The following PIK3C2G variants were observed in gnomAD, a reference collection of about 807,000 sequenced individuals.
PIK3C2G encodes phosphatidylinositol 3-kinase C2 domain-containing subunit gamma.
Under a neutral mutation model 181.1 loss-of-function variants are expected in PIK3C2G, and 168 were observed. That is an observed-to-expected ratio of 0.93 (90% CI 0.82 to 1.05). The LOEUF is 1.05. Among genes scored for constraint, PIK3C2G ranks in the 50% least tolerant of loss-of-function variants. The pLI, the probability that PIK3C2G is intolerant of heterozygous loss-of-function variation, is 0.00. For synonymous variants in PIK3C2G, 573 were observed against 592.2 expected (o/e 0.97, Z 0.47); for missense variants, 1,869 against 1,732.8 (o/e 1.08, Z -1.40).
At chr12:18,705,204 T>C in the PIK3C2G span, 3 of 1,613,932 alleles carry the variant, frequency 1.9e-6, no homozygotes, top group Non-Finnish European at 2.5e-6. Flanking sequence ...TCATCAAGCA[T>C]ATCAGAAAGC....
In PIK3C2G at chr12:18,622,890, TAATTG is replaced by T. The variant is rs572515979; in HGVS notation, c.4182+13267_4182+13271del. Reference sequence around the variant, plus strand: ...TATCTGGGTTTCTTGACCCACTTCTTAATTGAATTGTTTTCTTTCTATAGAGTTGA... The same window carrying T: ...TATCTGGGTTTCTTGACCCACTTCTTAATTGTTTTCTTTCTATAGAGTTGA... On this transcript the variant is annotated intron_variant, in intron 31 of 32. Coordinates refer to ENST00000538779, the MANE Select transcript of PIK3C2G (RefSeq NM_001288772.2). Among the ~76,000 whole-genome samples the T allele has an allele frequency of 2.4e-3, 360 of 151,942 alleles. 1 individual carries two copies. The highest frequency in any genetic ancestry group is 4.2e-3 in the Non-Finnish European group (282 of 67,716).
At chr12:18,550,567 C>T (rs1338142695) in intron 26 of PIK3C2G, among the ~76,000 whole-genome samples, 1 of 151,848 alleles carries the variant, frequency 6.6e-6, no homozygotes, top group East Asian at 1.9e-4. Context: ...TTGGTGTCTT[C>T]GTGCTTCAAT....
chr12:18,564,669 G>A (rs1945527689), intron 28 of PIK3C2G, among the ~76,000 whole-genome samples: 1 of 151,862 alleles, frequency 6.6e-6, no homozygotes, highest in African/African-American at 2.4e-5. Flanking sequence ...AGTCATTCTG[G>A]CAACTTTTAG....
At chr12:18,586,456 G>A (rs948520935) in intron 29 of PIK3C2G, among the ~76,000 whole-genome samples, 11 of 151,830 alleles carry the variant, frequency 7.2e-5, no homozygotes, top group African/African-American at 1.9e-4. Context: ...ACCTCTATGC[G>A]CACAAACTAG....
rs186704114 is a variant in PIK3C2G at position 18,405,615 on chromosome 12, T to C, written c.2315+5768T>C. ...AGGTTGCAGGAGATCCAGAAAAGGG[T>C]GGTATCTTAGAACTCTTGAAAAAGA... On this transcript the variant is annotated intron_variant, in intron 16 of 32. Transcript: ENST00000538779. 3.1e-3 allele frequency among the ~76,000 whole-genome samples: 472 copies of C among 151,756 alleles called. 1 individual carries two copies. Among genetic ancestry groups the C allele is most frequent in the Non-Finnish European group, 5.4e-3 (367 of 67,888 alleles).
At chr12:18,724,723 G>A in the PIK3C2G span, among the ~76,000 whole-genome samples, 3 of 152,016 alleles carry the variant, frequency 2.0e-5, no homozygotes, top group African/African-American at 7.2e-5. Flanking sequence ...TGTGGAAGCG[G>A]ATGTTATAGA....
intron 14 of PIK3C2G, among the ~76,000 whole-genome samples, chr12:18,382,407 C>T (rs932419460): frequency 2.6e-5 from 4 of 152,168 alleles, no homozygotes; most frequent in African/African-American, 9.7e-5. Context: ...TAAATGACTT[C>T]AGCCTTTGGT....
the PIK3C2G span, among the ~76,000 whole-genome samples, chr12:18,701,005 C>G: frequency 1.3e-5 from 2 of 148,420 alleles, no homozygotes; most frequent in African/African-American, 2.5e-5. Context: ...TTTTTTGAAA[C>G]AGGATCTCTC....
intron 31 of PIK3C2G, among the ~76,000 whole-genome samples, chr12:18,615,655 C>T (rs1190933568): frequency 1.3e-5 from 2 of 151,836 alleles, no homozygotes; most frequent in Non-Finnish European, 2.9e-5. Flanking sequence ...CATTCTTTTA[C>T]TCATATATAT....
the PIK3C2G span, among the ~76,000 whole-genome samples, chr12:18,724,555 C>A: frequency 6.6e-6 from 1 of 152,044 alleles, no homozygotes; most frequent in African/African-American, 2.4e-5. Context: ...ATGGTGGGAT[C>A]TGTGGTTGTC....
intron 11 of PIK3C2G, among the ~76,000 whole-genome samples, chr12:18,349,122 A>G (rs1939970463): frequency 6.6e-6 from 1 of 152,180 alleles, no homozygotes; most frequent in African/African-American, 2.4e-5. Flanking sequence ...CACAGACAGA[A>G]GAGACAATCT....
At chr12:18,651,313 C>G (rs1950508014), downstream of PIK3C2G, among the ~76,000 whole-genome samples, 1 of 152,228 alleles carries the variant, frequency 6.6e-6, no homozygotes, top group African/African-American at 2.4e-5. Flanking sequence ...CCCTGCCTAC[C>G]TTGAACACCC....
chr12:18,648,135 G>T lies in PIK3C2G; in HGVS notation c.*107G>T. On this transcript the variant is annotated 3_prime_UTR_variant, in exon 33 of 33. Transcript: ENST00000538779. Reference sequence around the variant, plus strand: ...ATCTTTGTTGTCAAAGACAGCACAGGGTATTAAGGACACAGAAAAAAAATC... The same window carrying T: ...ATCTTTGTTGTCAAAGACAGCACAGTGTATTAAGGACACAGAAAAAAAATC... The T allele has an allele frequency of 3.7e-6, 2 of 534,808 alleles. No homozygotes were observed. Among genetic ancestry groups the T allele is most frequent in the South Asian group, 5.2e-5 (1 of 19,216 alleles). The allele number at this position is 534,808 out of a possible 1,614,324, so 33.1% of individuals were successfully genotyped here.
chr12:18,440,276 T>G (rs1946670758), intron 18 of PIK3C2G, among the ~76,000 whole-genome samples: 1 of 151,994 alleles, frequency 6.6e-6, no homozygotes, highest in Non-Finnish European at 1.5e-5. Context: ...AAAAAAAATA[T>G]TTATTGAGCA....
chr12:18,255,268 CAAAT>C (rs1018457457), intron 1 of PIK3C2G, among the ~76,000 whole-genome samples: 1 of 150,658 alleles, frequency 6.6e-6, no homozygotes, highest in African/African-American at 2.4e-5. Context: ...AACAAACAAA[CAAAT>C]AAATGAAAGA....
In PIK3C2G at chr12:18,648,157, A is replaced by C. The variant is rs1427072319; in HGVS notation, c.*129A>C. On this transcript the variant is annotated 3_prime_UTR_variant, in exon 33 of 33. Transcript: ENST00000538779. ...CAGGGTATTAAGGACACAGAAAAAA[A>C]ATCAGAATTAGTCTTTTGTGTTGTT... The C allele has an allele frequency of 1.1e-5, 5 of 440,052 alleles. No homozygotes were observed. The highest frequency in any genetic ancestry group is 1.0e-4 in the African/African-American group (5 of 48,690). The allele number at this position is 440,052 out of a possible 1,614,324, so 27.3% of individuals were successfully genotyped here. A position where few individuals can be genotyped will look rare whatever the true frequency, so the allele number is the denominator to read the frequency against.
At chr12:18,324,717 CT>C (rs1951257271) in intron 7 of PIK3C2G, among the ~76,000 whole-genome samples, 1 of 152,264 alleles carries the variant, frequency 6.6e-6, no homozygotes, top group African/African-American at 2.4e-5. Context: ...CCATTATCTG[CT>C]TATGAATCCC....
chr12:18,521,743 C>A (rs1217322474), intron 24 of PIK3C2G, among the ~76,000 whole-genome samples: 2 of 152,232 alleles, frequency 1.3e-5, no homozygotes, highest in African/African-American at 2.4e-5. Flanking sequence ...CCCACAAGGA[C>A]CTCACAGGGC....
upstream of PIK3C2G, chr12:18,261,458 A>G (rs1251033492): frequency 6.6e-6 from 1 of 152,106 alleles, no homozygotes; most frequent in Admixed American, 6.6e-5. Flanking sequence ...AACAGGAATA[A>G]AAGCTTCCAG....
Sources: gnomAD v4.1 joint callset for allele counts (sites outside exome capture counted in the v4.1 genomes callset) on GRCh38, gnomAD v4.1.1 for gene constraint, MANE v1.5 for transcripts, NCBI Gene and HGNC (gene_info 2026-07-23, HGNC 2026-07-21) for gene names.